The following WIPF3 variants were observed in gnomAD, a reference collection of about 807,000 sequenced individuals.
The protein encoded by WIPF3 is WAS/WASL interacting protein family member 3.
In WIPF3, 33 loss-of-function variants were observed where a neutral mutation model predicts 38.9. That is an observed-to-expected ratio of 0.85 (90% confidence interval 0.64 to 1.14). The LOEUF (loss-of-function observed/expected upper bound fraction) is 1.14. Among genes scored for constraint, WIPF3 ranks in the 50% most tolerant of loss-of-function variants. WIPF3 has a pLI of 0.00. For missense variants in WIPF3, 711 were observed against 652.5 expected, an observed-to-expected ratio of 1.09 and a Z score of -0.98; for synonymous variants, 324 against 269.3, an observed-to-expected ratio of 1.20 and a Z score of -1.99.
chr7:29,839,841 C>T (rs1416634887), intron 2 of WIPF3, among the ~76,000 whole-genome samples: 2 of 152,222 alleles, frequency 1.3e-5, no homozygotes, highest in East Asian at 3.9e-4. Context: ...TTTTATGCTA[C>T]AGCAGCAGAA....
intron 2 of WIPF3, among the ~76,000 whole-genome samples, chr7:29,865,304 G>T (rs1392130913): frequency 1.3e-5 from 2 of 152,184 alleles, no homozygotes; most frequent in Non-Finnish European, 2.9e-5. Flanking sequence ...GCCACTGGCA[G>T]ACTGGACCCA....
intron 8 of WIPF3, among the ~76,000 whole-genome samples, chr7:29,907,692 A>C (rs1786424542): frequency 6.6e-6 from 1 of 152,212 alleles, no homozygotes. Flanking sequence ...TCTAGCAGAC[A>C]GCGAGCCCTC....
At chr7:29,889,155 G>C (rs1477739507) in intron 6 of WIPF3, 151 bp from the exon 7 acceptor site, 1 of 647,846 alleles carries the variant, frequency 1.5e-6, no homozygotes, top group Admixed American at 2.5e-5. Context: ...GATGTCTTAG[G>C]GAGAATGGCC....
chr7:29,904,246 C>G, intron 7 of WIPF3, 40 bp from the exon 8 acceptor site: 2 of 1,603,430 alleles, frequency 1.2e-6, no homozygotes, highest in South Asian at 1.1e-5. Context: ...CACCCGGTCC[C>G]TGGGCCAATA....
intron 1 of WIPF3, 49 bp from the exon 2 acceptor site, chr7:29,834,619 T>G (rs1283826738): frequency 7.3e-7 from 1 of 1,377,372 alleles, no homozygotes; most frequent in African/African-American, 1.5e-5. Flanking sequence ...ATTTCCTGCA[T>G]GTAAGTAAAG....
intron 6 of WIPF3, among the ~76,000 whole-genome samples, chr7:29,888,696 C>T (rs1225731904): frequency 1.3e-5 from 2 of 152,142 alleles, no homozygotes; most frequent in East Asian, 1.9e-4. Context: ...ATCTTTCGAT[C>T]CCTTCTGTGT....
intron 8 of WIPF3, among the ~76,000 whole-genome samples, chr7:29,906,890 A>G (rs1786407904): frequency 6.6e-6 from 1 of 152,224 alleles, no homozygotes; most frequent in South Asian, 2.1e-4. Context: ...GCTAAAAGAA[A>G]AAACTGTCAA....
At chr7:29,813,859 T>C (rs1784417719) in intron 1 of WIPF3, among the ~76,000 whole-genome samples, 1 of 152,178 alleles carries the variant, frequency 6.6e-6, no homozygotes, top group African/African-American at 2.4e-5. Flanking sequence ...ACTAATCTAT[T>C]TTTTATTTCT....
chr7:29,880,146 GA>G (rs544702608), intron 4 of WIPF3, among the ~76,000 whole-genome samples: 44 of 152,014 alleles, frequency 2.9e-4, no homozygotes, highest in African/African-American at 9.2e-4. Context: ...TTTACTCTGA[GA>G]AAAAAAACCT....
chr7:29,814,542 G>A (rs892143733), intron 1 of WIPF3, among the ~76,000 whole-genome samples: 22 of 152,236 alleles, frequency 1.4e-4, no homozygotes, highest in African/African-American at 5.3e-4. Flanking sequence ...GGCTGGGGGA[G>A]TTGTGGAAAG....
At chr7:29,814,815 C>G (rs1446515427) in intron 1 of WIPF3, among the ~76,000 whole-genome samples, 1 of 152,114 alleles carries the variant, frequency 6.6e-6, no homozygotes, top group Non-Finnish European at 1.5e-5. Flanking sequence ...GAGCACCCTC[C>G]CAACCATGTA....
At chr7:29,812,536 G>A (rs1461672204) in intron 1 of WIPF3, among the ~76,000 whole-genome samples, 1 of 152,180 alleles carries the variant, frequency 6.6e-6, no homozygotes, top group African/African-American at 2.4e-5. Context: ...AATAGATAAA[G>A]GAATTAATGT....
intron 7 of WIPF3, among the ~76,000 whole-genome samples, chr7:29,902,940 A>T (rs1203619445): frequency 6.6e-6 from 1 of 152,180 alleles, no homozygotes; most frequent in Non-Finnish European, 1.5e-5. Context: ...TGAATTTTTA[A>T]AATAGTTGAG....
chr7:29,882,107 C>T (rs1000219762), intron 4 of WIPF3, among the ~76,000 whole-genome samples: 1 of 152,230 alleles, frequency 6.6e-6, no homozygotes, highest in East Asian at 1.9e-4. Flanking sequence ...TGAGTTTGCC[C>T]ACATTTCTCA....
In WIPF3 at chr7:29,879,136, A is replaced by T. The variant is rs1225087328; in HGVS notation, c.351A>T (p.Val117=). The change falls in exon 4 of 9, where the codon GTA becomes GTT. Residue 117 remains valine (V), a synonymous_variant. Coordinates refer to ENST00000242140, the MANE Select transcript of WIPF3 (RefSeq NM_001080529.3). The part of the protein sequence containing the change: ...PVLRPAGQRD[V]AGGKTGQGPG... Reference sequence around the variant, plus strand: ...TGCGACCAGCAGGCCAGCGGGATGTAGCAGGTAAGGAAGAATTCATTCTGG... The same window carrying T: ...TGCGACCAGCAGGCCAGCGGGATGTTGCAGGTAAGGAAGAATTCATTCTGG... 1.9e-6 allele frequency: 3 copies of T among 1,610,892 alleles called. No individual in the cohort carries two copies. Among genetic ancestry groups the T allele is most frequent in the South Asian group, 2.2e-5 (2 of 90,662 alleles).
intron 2 of WIPF3, among the ~76,000 whole-genome samples, chr7:29,847,534 G>T (rs1476452345): frequency 6.6e-6 from 1 of 152,316 alleles, no homozygotes; most frequent in East Asian, 1.9e-4. Flanking sequence ...TGTTTAGGTT[G>T]AACAGAGTAT....
chr7:29,809,547 A>C (rs1784338287), intron 1 of WIPF3, among the ~76,000 whole-genome samples: 1 of 152,222 alleles, frequency 6.6e-6, no homozygotes, highest in South Asian at 2.1e-4. Flanking sequence ...GAAAGTGATT[A>C]ATTGCTTTTT....
chr7:29,835,528 C>T (rs532226717), intron 2 of WIPF3, among the ~76,000 whole-genome samples: 2 of 152,252 alleles, frequency 1.3e-5, no homozygotes, highest in East Asian at 3.9e-4. Flanking sequence ...ATGCCAGTAG[C>T]ACCCCCCAAT....
intron 8 of WIPF3, among the ~76,000 whole-genome samples, chr7:29,906,788 C>T (rs2128081273): frequency 6.6e-6 from 1 of 152,226 alleles, no homozygotes; most frequent in South Asian, 2.1e-4. Flanking sequence ...AGAAGTGACT[C>T]ATCACATACA....
Sources: gnomAD v4.1 joint callset for allele counts (sites outside exome capture counted in the v4.1 genomes callset) on GRCh38, gnomAD v4.1.1 for gene constraint, MANE v1.5 for transcripts, NCBI Gene and HGNC (gene_info 2026-07-23, HGNC 2026-07-21) for gene names.